KCNC2: variants seen among roughly 807,000 people sequenced by gnomAD.
KCNC2 encodes voltage-gated potassium channel KCNC2.
In KCNC2, 21 loss-of-function variants were observed where a neutral mutation model predicts 44.5. The observed-to-expected ratio is 0.47, with a 90% confidence interval of 0.33 to 0.68. KCNC2 has a LOEUF of 0.68. Ranked by LOEUF, KCNC2 falls within the 30% of genes least tolerant of loss-of-function variation. The pLI, the probability that KCNC2 is intolerant of heterozygous loss-of-function variation, is 0.01. For missense variants in KCNC2, 589 were observed against 826.2 expected (o/e 0.71, Z 3.52); for synonymous variants, 391 against 339.1 (o/e 1.15, Z -1.68).
intron 2 of KCNC2, among the ~76,000 whole-genome samples, chr12:75,127,685 T>C (rs1888531942): frequency 1.3e-5 from 2 of 152,168 alleles, no homozygotes; most frequent in African/African-American, 2.4e-5. Context: ...ACAAAATGTG[T>C]CATGGTTTTT....
chr12:75,135,885 A>T (rs1233925954), intron 2 of KCNC2, among the ~76,000 whole-genome samples: 2 of 151,998 alleles, frequency 1.3e-5, no homozygotes, highest in African/African-American at 4.8e-5. Flanking sequence ...GCCATATTCT[A>T]ATTTAGCATG....
chr12:75,188,861 CAATA>C (rs10608827), intron 2 of KCNC2, among the ~76,000 whole-genome samples: 52,900 of 142,280 alleles, frequency 0.37, 9,915 homozygotes, highest in Middle Eastern at 0.51. Context: ...GACTCCATCT[CAATA>C]AATAAATAAA....
At chr12:75,133,838 G>A (rs1376353000) in intron 2 of KCNC2, among the ~76,000 whole-genome samples, 1 of 151,934 alleles carries the variant, frequency 6.6e-6, no homozygotes, top group Non-Finnish European at 1.5e-5. Flanking sequence ...GGGCTAGGCA[G>A]TAACAAGAGA....
intron 2 of KCNC2, among the ~76,000 whole-genome samples, chr12:75,082,438 GATTA>G (rs1377810843): frequency 8.6e-5 from 13 of 151,400 alleles, no homozygotes; most frequent in Non-Finnish European, 1.9e-4. Flanking sequence ...GTTGTCAGAA[GATTA>G]ATTTAGTAAT....
At chr12:75,102,356 G>A (rs1230144526) in intron 2 of KCNC2, among the ~76,000 whole-genome samples, 1 of 151,826 alleles carries the variant, frequency 6.6e-6, no homozygotes. Flanking sequence ...ACTTAGTATA[G>A]CATTTCAAAT....
intron 2 of KCNC2, among the ~76,000 whole-genome samples, chr12:75,170,607 A>G (rs903364417): frequency 2.0e-5 from 3 of 151,790 alleles, no homozygotes; most frequent in African/African-American, 4.8e-5. Flanking sequence ...TTCTTCTCCA[A>G]TGTTGTCATT....
At chr12:75,070,292 A>T (rs1392694673) in intron 2 of KCNC2, among the ~76,000 whole-genome samples, 1 of 151,436 alleles carries the variant, frequency 6.6e-6, no homozygotes, top group Admixed American at 6.6e-5. Flanking sequence ...TCTACTAAAA[A>T]TACAAAAAAT....
chr12:75,137,116 T>C (rs1889288212), intron 2 of KCNC2, among the ~76,000 whole-genome samples: 1 of 152,188 alleles, frequency 6.6e-6, no homozygotes, highest in African/African-American at 2.4e-5. Context: ...CAGACACTTT[T>C]AGGGCTTCTC....
intron 2 of KCNC2, among the ~76,000 whole-genome samples, chr12:75,105,170 T>G (rs1886683469): frequency 6.6e-6 from 1 of 152,146 alleles, no homozygotes; most frequent in Non-Finnish European, 1.5e-5. Flanking sequence ...TTACTATTTT[T>G]AATCTCCTCA....
chr12:75,092,488 C>T (rs1592852093), intron 2 of KCNC2, among the ~76,000 whole-genome samples: 1 of 151,510 alleles, frequency 6.6e-6, no homozygotes, highest in African/African-American at 2.4e-5. Context: ...GAATAAAAAG[C>T]TTATTTTTCA....
chr12:75,147,757 C>T (rs1033860422), intron 2 of KCNC2, among the ~76,000 whole-genome samples: 2 of 152,060 alleles, frequency 1.3e-5, no homozygotes, highest in African/African-American at 2.4e-5. Context: ...CTTCTTTCAC[C>T]ACACTCAGAC....
At chr12:75,127,449 T>C (rs190493942) in intron 2 of KCNC2, among the ~76,000 whole-genome samples, 42 of 152,246 alleles carry the variant, frequency 2.8e-4, no homozygotes, top group Non-Finnish European at 1.0e-4. Flanking sequence ...TAATTGAACA[T>C]GTCAGTTGAA....
chr12:75,084,321 T>TAGATAGATAGAC (rs1565840527), intron 2 of KCNC2, among the ~76,000 whole-genome samples: 87 of 151,772 alleles, frequency 5.7e-4, no homozygotes, highest in African/African-American at 2.0e-3. Flanking sequence ...GATAGATAGA[T>TAGATAGATAGAC]AGATAGATAG....
rs778213653 is a variant in KCNC2, at chr12:75,207,444, G to T, written c.540C>A (p.Gly180=). The change falls in exon 2 of 5, where the codon GGC becomes GGA. Residue 180 remains glycine (G), a synonymous_variant. Transcript: ENST00000549446. The surrounding 1 kb of genome is among the most constrained non-coding windows in gnomAD (Gnocchi z 4.1). ...ETPDLIGGDP[G]DDEDLAAKRL... is the part of the protein sequence containing the mutation. The stretch of plus-strand genomic sequence containing the variant: ...TCTTGGCCGCCAGGTCCTCGTCGTC[G>T]CCGGGGTCGCCGCCAATGAGGTCGG... The T allele has an allele frequency of 6.2e-7, 1 of 1,609,194 alleles. No individual in the cohort carries two copies. The highest frequency in any genetic ancestry group is 8.5e-7 in the Non-Finnish European group (1 of 1,178,140).
intron 2 of KCNC2, among the ~76,000 whole-genome samples, chr12:75,157,020 A>C (rs886327391): frequency 1.3e-5 from 2 of 151,846 alleles, no homozygotes; most frequent in African/African-American, 4.8e-5. Context: ...GAACAATCCC[A>C]AGTACTGCTC....
chr12:75,060,814 G>A (rs1363868275), intron 2 of KCNC2, among the ~76,000 whole-genome samples: 9 of 151,984 alleles, frequency 5.9e-5, no homozygotes, highest in Non-Finnish European at 1.2e-4. Flanking sequence ...CCTTAATGTG[G>A]TCCTTACCTA....
At chr12:75,119,350 GCTAGGAAGGTGGATATTTTCT>G (rs1887891591) in intron 2 of KCNC2, among the ~76,000 whole-genome samples, 1 of 124,074 alleles carries the variant, frequency 8.1e-6, no homozygotes, top group Non-Finnish European at 1.6e-5. Context: ...ACTAATCACT[GCTAGGAAGGTGGATATTTTCT>G]CTCTAGTAGA....
intron 2 of KCNC2, among the ~76,000 whole-genome samples, chr12:75,141,369 T>C (rs1180150981): frequency 6.6e-6 from 1 of 152,204 alleles, no homozygotes; most frequent in African/African-American, 2.4e-5. Flanking sequence ...AATAAATCGA[T>C]AAAGTTTCTT....
At chr12:75,138,849 C>T (rs1421425385) in intron 2 of KCNC2, among the ~76,000 whole-genome samples, 3 of 151,724 alleles carry the variant, frequency 2.0e-5, no homozygotes, top group African/African-American at 7.3e-5. Flanking sequence ...GGCGTGGTGG[C>T]GGACGCCTGT....
Sources: allele counts gnomAD v4.1 joint callset (sites outside exome capture counted in the v4.1 genomes callset), GRCh38; gene constraint gnomAD v4.1.1; non-coding constraint Gnocchi (gnomAD v3.1); transcripts MANE v1.5; gene names NCBI Gene and HGNC (gene_info 2026-07-23, HGNC 2026-07-21).